The following CALN1 variants were observed in gnomAD, a reference collection of about 807,000 sequenced individuals.
CALN1 encodes calcium-binding protein 8.
CALN1 carries 17 observed loss-of-function variants against 30.6 expected under a neutral mutation model. The observed-to-expected ratio is 0.56, with a 90% CI of 0.38 to 0.83. The LOEUF is 0.83. CALN1 is among the 40% of genes least tolerant of loss of function. The pLI is 0.00. For missense variants in CALN1, 291 were observed against 354.9 expected (o/e 0.82, Z 1.45); for synonymous variants, 156 against 131.4 (o/e 1.19, Z -1.28).
chr7:71,790,424 G>GAAAGC (rs1040789927), intron 6 of CALN1, among the ~76,000 whole-genome samples: 1 of 147,950 alleles, frequency 6.8e-6, no homozygotes, highest in African/African-American at 2.5e-5. Context: ...AAGAAAGAAA[G>GAAAGC]AAGCAAGCAA....
intron 2 of CALN1, among the ~76,000 whole-genome samples, chr7:72,366,357 G>A (rs1803877529): frequency 6.6e-6 from 1 of 151,886 alleles, no homozygotes. Context: ...TATATTTTTA[G>A]TAGAGATGGG....
the CALN1 span, among the ~76,000 whole-genome samples, chr7:72,466,881 A>G: frequency 5.8e-5 from 6 of 102,636 alleles, no homozygotes; most frequent in East Asian, 3.2e-4. Flanking sequence ...AAAGAAGGAA[A>G]GAAAGAAAAG....
At chr7:71,955,952 CA>C (rs1796937888) in intron 5 of CALN1, among the ~76,000 whole-genome samples, 1 of 151,596 alleles carries the variant, frequency 6.6e-6, no homozygotes, top group Non-Finnish European at 1.5e-5. Context: ...TGAAAGCCCC[CA>C]ACCGAGATAG....
At chr7:72,204,168 T>A (rs936805058) in intron 3 of CALN1, among the ~76,000 whole-genome samples, 13 of 150,628 alleles carry the variant, frequency 8.6e-5, no homozygotes, top group African/African-American at 3.2e-4. Context: ...TTTTTTTTTT[T>A]GTATTTTTAT....
chr7:72,028,288 C>T (rs1006973263), intron 4 of CALN1, among the ~76,000 whole-genome samples: 9 of 152,132 alleles, frequency 5.9e-5, no homozygotes, highest in East Asian at 1.9e-4. Context: ...TCTGAAACCT[C>T]GACTCAGGGT....
intron 6 of CALN1, among the ~76,000 whole-genome samples, chr7:71,802,965 A>G (rs1184392287): frequency 6.6e-6 from 1 of 152,162 alleles, no homozygotes; most frequent in African/African-American, 2.4e-5. Flanking sequence ...TGGAGGTTGC[A>G]GTGAGCTGAG....
the CALN1 span, among the ~76,000 whole-genome samples, chr7:72,499,776 TC>T: frequency 3.8e-4 from 14 of 36,698 alleles, no homozygotes; most frequent in African/African-American, 6.8e-4. Context: ...TTTCTTTCTT[TC>T]CTTCCTTCCT....
At chr7:72,207,932 C>T (rs951624500) in intron 3 of CALN1, among the ~76,000 whole-genome samples, 6 of 152,090 alleles carry the variant, frequency 3.9e-5, no homozygotes, top group African/African-American at 9.7e-5. Flanking sequence ...TTTTTAACAG[C>T]AAAACTTTTT....
upstream of CALN1, among the ~76,000 whole-genome samples, chr7:72,447,978 GCACA>G (rs4029788): frequency 5.7e-3 from 813 of 142,732 alleles, 2 homozygotes; most frequent in African/African-American, 0.02. Context: ...GCCTGCCCAT[GCACA>G]CACACACACA....
At chr7:72,387,185 T>TAAAG (rs1805257060) in intron 2 of CALN1, among the ~76,000 whole-genome samples, 6 of 106,146 alleles carry the variant, frequency 5.7e-5, no homozygotes, top group Admixed American at 1.0e-4. Context: ...ATGATCAAAC[T>TAAAG]AAGGAAGGGA....
intron 3 of CALN1, among the ~76,000 whole-genome samples, chr7:72,140,944 C>A (rs1181104475): frequency 6.6e-6 from 1 of 152,202 alleles, no homozygotes; most frequent in Non-Finnish European, 1.5e-5. Flanking sequence ...AGGAGGAAGA[C>A]AGCCCCATTG....
chr7:72,233,256 C>G (rs73704335), intron 3 of CALN1, among the ~76,000 whole-genome samples: 27,691 of 149,234 alleles, frequency 0.19, 3,472 homozygotes, highest in East Asian at 0.43. Context: ...GAGTAAAGGA[C>G]CCACTGCAGG....
chr7:72,455,321 ATGTGTGTGTGTGTGTGTGTG>A, the CALN1 span, among the ~76,000 whole-genome samples: 289 of 138,854 alleles, frequency 2.1e-3, 3 homozygotes, highest in African/African-American at 7.4e-3. Flanking sequence ...ATATATATAT[ATGTGTGTGTGTGTGTGTGTG>A]TGTGTGTGTG....
intron 3 of CALN1, among the ~76,000 whole-genome samples, chr7:72,212,026 T>C (rs11770441): frequency 0.19 from 29,527 of 152,032 alleles, 2,995 homozygotes; most frequent in South Asian, 0.23. Flanking sequence ...CTGATTATTT[T>C]CCAATTCAAA....
chr7:71,979,355 T>C (rs914975072), intron 5 of CALN1, among the ~76,000 whole-genome samples: 1 of 152,204 alleles, frequency 6.6e-6, no homozygotes, highest in African/African-American at 2.4e-5. Context: ...GTGGGAGCCC[T>C]GGGCTTGTTT....
chr7:71,873,524 A>T (rs531837409), intron 5 of CALN1, among the ~76,000 whole-genome samples: 1 of 152,344 alleles, frequency 6.6e-6, no homozygotes, highest in South Asian at 2.1e-4. Flanking sequence ...GTTCTCATCT[A>T]ACCCAGTTCT....
chr7:72,073,166 T>A (rs545665125), intron 4 of CALN1, among the ~76,000 whole-genome samples: 5 of 152,182 alleles, frequency 3.3e-5, no homozygotes, highest in Non-Finnish European at 7.3e-5. Context: ...AAATATTGCA[T>A]GATTCCATTT....
At chr7:72,461,690 A>G in the CALN1 span, among the ~76,000 whole-genome samples, 2 of 152,216 alleles carry the variant, frequency 1.3e-5, no homozygotes, top group African/African-American at 4.8e-5. Context: ...ACAAACCTGT[A>G]CTTGTATCCC....
At chr7:72,110,822 G>C (rs559833585) in intron 3 of CALN1, among the ~76,000 whole-genome samples, 1 of 152,160 alleles carries the variant, frequency 6.6e-6, no homozygotes, top group Non-Finnish European at 1.5e-5. Flanking sequence ...GACATGTGAT[G>C]TGTGCCTCAT....
Sources: allele counts gnomAD v4.1 joint callset (sites outside exome capture counted in the v4.1 genomes callset), GRCh38; gene constraint gnomAD v4.1.1; transcripts MANE v1.5; gene names NCBI Gene and HGNC (gene_info 2026-07-23, HGNC 2026-07-21).